The following DLGAP1 variants were observed in gnomAD, a reference collection of about 807,000 sequenced individuals.
DLGAP1 encodes disks large-associated protein 1.
DLGAP1 carries 11 observed loss-of-function variants against 90.8 expected under a neutral mutation model. The ratio of observed to expected loss-of-function variants is 0.12; its 90% confidence interval spans 0.08 to 0.20. The LOEUF is 0.20. Among genes scored for constraint, DLGAP1 ranks in the 10% least tolerant of loss-of-function variants. The pLI, the probability that DLGAP1 is intolerant of heterozygous loss-of-function variation, is 1.00. For missense variants in DLGAP1, 1,050 were observed against 1,333.8 expected (o/e 0.79, Z 3.31); for synonymous variants, 558 against 540.7 (o/e 1.03, Z -0.44).
rs909536662 is a variant in DLGAP1, at chr18:3,775,686, T to C, written c.1173-33174A>G. On this transcript the variant is annotated intron_variant, in intron 5 of 12. Coordinates refer to ENST00000315677, the MANE Select transcript of DLGAP1 (RefSeq NM_004746.4). This position sits in a 1 kb window ranked among gnomAD's most constrained non-coding sequence, Gnocchi z 4.9. ...CTTCTATTAATCTGCCTTTTAAAAG[T>C]TGATTTTCAGCAAACCTTCAGAGGG... is the stretch of plus-strand genomic sequence containing the variant. 5.9e-5 allele frequency among the ~76,000 whole-genome samples: 9 copies of C among 152,198 alleles called. No homozygotes were observed. The highest frequency in any genetic ancestry group is 2.2e-4 in the African/African-American group (9 of 41,442).
rs3947813 is a variant in DLGAP1 at position 4,397,128 on chromosome 18, C to T, written c.-267+57878G>A. On this transcript the variant is annotated intron_variant, in intron 1 of 12. Coordinates refer to ENST00000315677, the MANE Select transcript of DLGAP1 (RefSeq NM_004746.4). ...TCAAACAGGCATGATAAAGTATCTC[C>T]ACCATAGGGTAGTTGGGAGAAGTAA... Among the ~76,000 whole-genome samples the T allele has an allele frequency of 5.6e-3, 855 of 152,266 alleles. 7 individuals carry two copies. Among genetic ancestry groups the T allele is most frequent in the African/African-American group, 0.02 (822 of 41,550 alleles).
intron 3 of DLGAP1, among the ~76,000 whole-genome samples, chr18:3,967,271 G>C (rs1021501123): frequency 2.6e-5 from 4 of 152,188 alleles, no homozygotes; most frequent in Non-Finnish European, 4.4e-5. Context: ...CAGGCACTGT[G>C]GTAGGCACTG....
chr18:4,337,540 TAAG>T (rs1179981082), intron 1 of DLGAP1, among the ~76,000 whole-genome samples: 4 of 152,142 alleles, frequency 2.6e-5, no homozygotes, highest in African/African-American at 9.7e-5. Flanking sequence ...AAAAAGATTG[TAAG>T]AAGAATTTAC....
At chr18:3,858,484 ATATATACGTG>A (rs1271548989) in intron 4 of DLGAP1, among the ~76,000 whole-genome samples, 1 of 149,502 alleles carries the variant, frequency 6.7e-6, no homozygotes, top group East Asian at 2.0e-4. Flanking sequence ...AAACATATAT[ATATATACGTG>A]TATATATACA....
intron 6 of DLGAP1, among the ~76,000 whole-genome samples, chr18:3,741,578 C>T (rs2147687832): frequency 6.6e-6 from 1 of 151,774 alleles, no homozygotes; most frequent in South Asian, 2.1e-4. Flanking sequence ...ATCACTGCTA[C>T]CACCATCACC....
intron 7 of DLGAP1, among the ~76,000 whole-genome samples, chr18:3,718,223 G>A (rs2061830699): frequency 6.6e-6 from 1 of 152,086 alleles, no homozygotes; most frequent in African/African-American, 2.4e-5. Flanking sequence ...CACTTTGGGA[G>A]GCTGAGGTGG....
At chr18:3,976,117 T>C (rs35711557) in intron 3 of DLGAP1, among the ~76,000 whole-genome samples, 67,838 of 151,292 alleles carry the variant, frequency 0.45, 15,380 homozygotes, top group Middle Eastern at 0.5. Context: ...GAGGCTGAGG[T>C]GGTTGGATCA....
At chr18:4,446,321 C>T (rs2083666408) in intron 1 of DLGAP1, among the ~76,000 whole-genome samples, 1 of 152,104 alleles carries the variant, frequency 6.6e-6, no homozygotes, top group Non-Finnish European at 1.5e-5. Flanking sequence ...TCATGATGAC[C>T]TCAAGAGCAT....
chr18:3,655,875 C>G (rs995057773), intron 7 of DLGAP1: 1 of 494,550 alleles, frequency 2.0e-6, no homozygotes, highest in African/African-American at 2.0e-5. Context: ...TGGTGCTGCC[C>G]TCTCAGGTCA....
chr18:4,223,463 A>G (rs1198887162), intron 1 of DLGAP1, among the ~76,000 whole-genome samples: 1 of 152,194 alleles, frequency 6.6e-6, no homozygotes, highest in Admixed American at 6.5e-5. Flanking sequence ...TTGAGGTATC[A>G]GTGGGTACTC....
chr18:4,046,242 T>C (rs1411296128), intron 2 of DLGAP1, among the ~76,000 whole-genome samples: 2 of 152,238 alleles, frequency 1.3e-5, no homozygotes, highest in Non-Finnish European at 1.5e-5. Flanking sequence ...TGTTCACTTA[T>C]TTATTGGTAG....
chr18:4,274,876 C>T (rs1303544224), intron 1 of DLGAP1, among the ~76,000 whole-genome samples: 1 of 152,068 alleles, frequency 6.6e-6, no homozygotes, highest in Non-Finnish European at 1.5e-5. Flanking sequence ...CAAAACCAGT[C>T]CTGACCATGA....
intron 2 of DLGAP1, among the ~76,000 whole-genome samples, chr18:4,037,959 C>G (rs768753992): frequency 6.6e-6 from 1 of 152,168 alleles, no homozygotes; most frequent in Non-Finnish European, 1.5e-5. Context: ...GACTCCGTCT[C>G]AAAAACAAAA....
intron 1 of DLGAP1, among the ~76,000 whole-genome samples, chr18:4,392,719 G>A (rs917027384): frequency 2.0e-5 from 3 of 151,302 alleles, no homozygotes; most frequent in African/African-American, 7.3e-5. Context: ...ATATCCCTAG[G>A]CCAAGTCTTA....
At chr18:4,300,261 T>G (rs2080090775) in intron 1 of DLGAP1, among the ~76,000 whole-genome samples, 1 of 152,200 alleles carries the variant, frequency 6.6e-6, no homozygotes, top group Admixed American at 6.5e-5. Context: ...TTGTCTTATT[T>G]TGATAAAATG....
At chr18:3,591,152 G>A (rs1024811475) in intron 7 of DLGAP1, among the ~76,000 whole-genome samples, 1 of 151,622 alleles carries the variant, frequency 6.6e-6, no homozygotes, top group Admixed American at 6.6e-5. Flanking sequence ...GCAAATCCAG[G>A]GAACAGGGCA....
intron 2 of DLGAP1, among the ~76,000 whole-genome samples, chr18:4,121,510 T>C (rs1464037996): frequency 6.6e-6 from 1 of 152,152 alleles, no homozygotes; most frequent in African/African-American, 2.4e-5. Flanking sequence ...ATCAGGTTCC[T>C]CATCCTCCAC....
chr18:4,315,595 T>C (rs1418891890), intron 1 of DLGAP1, among the ~76,000 whole-genome samples: 1 of 152,232 alleles, frequency 6.6e-6, no homozygotes, highest in African/African-American at 2.4e-5. Context: ...TGCTTATAAT[T>C]ACCAAATTCA....
At chr18:3,929,441 G>A (rs2072467461) in intron 3 of DLGAP1, among the ~76,000 whole-genome samples, 1 of 152,184 alleles carries the variant, frequency 6.6e-6, no homozygotes, top group Admixed American at 6.6e-5. Flanking sequence ...CCCACCATGG[G>A]TTTTGGTTCA....
Sources: allele counts gnomAD v4.1 joint callset (sites outside exome capture counted in the v4.1 genomes callset), GRCh38; gene constraint gnomAD v4.1.1; non-coding constraint Gnocchi (gnomAD v3.1); transcripts MANE v1.5; gene names NCBI Gene and HGNC (gene_info 2026-07-23, HGNC 2026-07-21).